The following CSMD1 variants were observed in gnomAD, a reference collection of about 807,000 sequenced individuals.
CSMD1 encodes the protein CUB and Sushi multiple domains 1.
A neutral mutation model predicts 417.5 loss-of-function variants in CSMD1; 213 were observed. That is an observed-to-expected ratio of 0.51 (90% CI 0.46 to 0.57). The LOEUF is 0.57. Among genes scored for constraint, CSMD1 ranks in the 20% least tolerant of loss-of-function variants. The probability of loss-of-function intolerance (pLI) is 0.00; values close to 1 mark genes in which losing one functional copy is unlikely to be tolerated. For missense variants in CSMD1, 6,923 were observed against 4,529.7 expected (o/e 1.53, Z -15.17); for synonymous variants, 2,862 against 1,736.8 (o/e 1.65, Z -16.11).
At chr8:4,206,095 T>A (rs112151772) in intron 3 of CSMD1, among the ~76,000 whole-genome samples, 1 of 152,066 alleles carries the variant, frequency 6.6e-6, no homozygotes, top group African/African-American at 2.4e-5. Flanking sequence ...AGTGAGTAAA[T>A]AGGATAAACA....
intron 3 of CSMD1, among the ~76,000 whole-genome samples, chr8:4,138,029 C>T (rs1197041744): frequency 7.1e-6 from 1 of 141,128 alleles, no homozygotes; most frequent in Non-Finnish European, 1.5e-5. Flanking sequence ...AGGCGCCCGC[C>T]ACCATGCCCG....
chr8:4,128,990 T>C (rs961629334), intron 3 of CSMD1, among the ~76,000 whole-genome samples: 2 of 147,558 alleles, frequency 1.4e-5, no homozygotes, highest in African/African-American at 5.0e-5. Context: ...GCAGGAGAGT[T>C]GCTTGAACCC....
intron 2 of CSMD1, among the ~76,000 whole-genome samples, chr8:4,590,200 A>ATAACTCATC (rs1479746325): frequency 1.5e-4 from 23 of 152,160 alleles, no homozygotes; most frequent in African/African-American, 4.8e-4. Context: ...TGAGACCAGG[A>ATAACTCATC]TAACTCATCT....
intron 1 of CSMD1, among the ~76,000 whole-genome samples, chr8:4,721,142 T>C (rs1809027999): frequency 1.3e-5 from 2 of 152,172 alleles, no homozygotes; most frequent in Non-Finnish European, 2.9e-5. Context: ...GGCAATAAAG[T>C]TCTTCCAGCA....
intron 2 of CSMD1, among the ~76,000 whole-genome samples, chr8:4,602,993 A>T (rs1800677636): frequency 6.6e-6 from 1 of 152,018 alleles, no homozygotes; most frequent in African/African-American, 2.4e-5. Context: ...TTTAGTAAAG[A>T]CTGAACTATT....
intron 23 of CSMD1, 128 bp from the exon 24 acceptor site, chr8:3,308,631 T>C: frequency 1.5e-6 from 1 of 680,610 alleles, no homozygotes; most frequent in Non-Finnish European, 2.4e-6. Context: ...ATTGTGAATT[T>C]ACAAAGGGGA....
chr8:4,261,687 G>A (rs1472892761), intron 3 of CSMD1, among the ~76,000 whole-genome samples: 1 of 152,080 alleles, frequency 6.6e-6, no homozygotes, highest in Admixed American at 6.6e-5. Context: ...TGGGACTACA[G>A]GCATGAGTCA....
intron 5 of CSMD1, among the ~76,000 whole-genome samples, chr8:3,871,763 G>C (rs2129113002): frequency 6.6e-6 from 1 of 152,280 alleles, no homozygotes; most frequent in South Asian, 2.1e-4. Flanking sequence ...GGGTAAAATG[G>C]TGGATGACAT....
chr8:3,428,726 T>G (rs1814014870), intron 12 of CSMD1, among the ~76,000 whole-genome samples: 1 of 151,900 alleles, frequency 6.6e-6, no homozygotes, highest in African/African-American at 2.4e-5. Flanking sequence ...AGAAATGAAA[T>G]CAGTACATGG....
chr8:4,764,885 A>ACAAAAAAAAAAACAAAACAAAAC (rs1263324929), intron 1 of CSMD1, among the ~76,000 whole-genome samples: 14,626 of 73,994 alleles, frequency 0.2, 1,301 homozygotes, highest in Middle Eastern at 0.29. Flanking sequence ...AAAAAAAAAA[A>ACAAAAAAAAAAACAAAACAAAAC]AAAAAAAAAC....
At chr8:4,778,621 A>C (rs79866756) in intron 1 of CSMD1, among the ~76,000 whole-genome samples, 1 of 152,292 alleles carries the variant, frequency 6.6e-6, no homozygotes, top group African/African-American at 2.4e-5. Context: ...TACTTCTACC[A>C]CTATTGACCC....
chr8:4,687,133 T>C (rs1584945644), intron 1 of CSMD1, among the ~76,000 whole-genome samples: 1 of 152,158 alleles, frequency 6.6e-6, no homozygotes, highest in Admixed American at 6.5e-5. Context: ...ACACAGACCA[T>C]GGGCCAGGGA....
At chr8:4,127,351 CTTCT>C (rs960935763) in intron 3 of CSMD1, among the ~76,000 whole-genome samples, 4 of 151,050 alleles carry the variant, frequency 2.6e-5, no homozygotes. Flanking sequence ...CTCTCCCTTC[CTTCT>C]TTATCCTTCA....
intron 3 of CSMD1, among the ~76,000 whole-genome samples, chr8:4,268,183 A>T (rs1414763540): frequency 6.6e-6 from 1 of 152,174 alleles, no homozygotes; most frequent in Admixed American, 6.5e-5. Context: ...TGGACTCTGT[A>T]TCAACTCACC....
intron 3 of CSMD1, among the ~76,000 whole-genome samples, chr8:4,164,908 T>C (rs1056179865): frequency 3.3e-5 from 5 of 151,520 alleles, no homozygotes; most frequent in African/African-American, 7.3e-5. Context: ...TATATGTATA[T>C]ATATAGTTTG....
intron 3 of CSMD1, among the ~76,000 whole-genome samples, chr8:4,153,464 T>A (rs1585434513): frequency 6.6e-6 from 1 of 152,194 alleles, no homozygotes; most frequent in Admixed American, 6.5e-5. Flanking sequence ...TGGATAAGGT[T>A]CTGCAGCTCT....
intron 10 of CSMD1, among the ~76,000 whole-genome samples, chr8:3,560,843 G>A (rs1799439188): frequency 6.6e-6 from 1 of 152,086 alleles, no homozygotes; most frequent in Non-Finnish European, 1.5e-5. Flanking sequence ...AATGGCTTAG[G>A]GTAAAGGGTC....
At chr8:4,841,711 G>C (rs1800843727) in intron 1 of CSMD1, among the ~76,000 whole-genome samples, 1 of 151,938 alleles carries the variant, frequency 6.6e-6, no homozygotes, top group African/African-American at 2.4e-5. Context: ...AGGAGTTGGA[G>C]ACAAGCCTGA....
At chr8:3,579,383 A>G (rs144796708) in intron 9 of CSMD1, among the ~76,000 whole-genome samples, 1 of 152,352 alleles carries the variant, frequency 6.6e-6, no homozygotes, top group African/African-American at 2.4e-5. Flanking sequence ...AATTCCAGGA[A>G]ATCTTATGGT....
Sources: allele counts gnomAD v4.1 joint callset (sites outside exome capture counted in the v4.1 genomes callset), GRCh38; gene constraint gnomAD v4.1.1; transcripts MANE v1.5; gene names NCBI Gene and HGNC (gene_info 2026-07-23, HGNC 2026-07-21).